The following SFSWAP variants were observed in gnomAD, a reference collection of about 807,000 sequenced individuals.
SFSWAP encodes the protein splicing factor, suppressor of white-apricot homolog.
A neutral mutation model predicts 100.7 loss-of-function variants in SFSWAP; 17 were observed. The observed-to-expected ratio is 0.17, with a 90% CI of 0.12 to 0.25. The LOEUF (loss-of-function observed/expected upper bound fraction) is 0.25. Ranked by LOEUF, SFSWAP falls within the 10% of genes least tolerant of loss-of-function variation. The probability of loss-of-function intolerance (pLI) is 1.00; values close to 1 mark genes in which losing one functional copy is unlikely to be tolerated. For missense variants in SFSWAP, 1,005 were observed against 1,262.6 expected, an observed-to-expected ratio of 0.80 and a Z score of 3.09; for synonymous variants, 504 against 510.1, an observed-to-expected ratio of 0.99 and a Z score of 0.16.
Position 131,756,466 on chromosome 12 carries a change from T to C in SFSWAP, c.1549-7T>C, listed in dbSNP as rs776254167. 12 of 1,613,258 alleles carry C rather than the reference T, an allele frequency of 7.4e-6. No individual in the cohort carries two copies. Among genetic ancestry groups the C allele is most frequent in the Admixed American group, 3.3e-5 (2 of 59,938 alleles). The stretch of plus-strand genomic sequence containing the variant: ...GCTGACAGTTTATAGTGACATTTAA[T>C]CTCTAGGCTGTGTCTGCACCAGAAG... On this transcript the variant is annotated splice_region_variant and splice_polypyrimidine_tract_variant and intron_variant, in intron 10 of 17. Coordinates refer to ENST00000261674, the MANE Select transcript of SFSWAP (RefSeq NM_004592.4).
At chr12:131,722,624 C>A (rs4964986) in intron 4 of SFSWAP, among the ~76,000 whole-genome samples, 24,938 of 152,086 alleles carry the variant, frequency 0.16, 2,352 homozygotes, top group South Asian at 0.28. Flanking sequence ...CTAAGTGCTT[C>A]TCTAGGCATA....
chr12:131,764,336 A>G (rs1434278698), intron 11 of SFSWAP, 120 bp from the exon 12 acceptor site: 17 of 745,006 alleles, frequency 2.3e-5, no homozygotes, highest in African/African-American at 3.5e-5. Flanking sequence ...TAGACCCTGC[A>G]TATGATGTGG....
chr12:131,727,360 T>C (rs1411347613), intron 6 of SFSWAP, among the ~76,000 whole-genome samples: 1 of 152,182 alleles, frequency 6.6e-6, no homozygotes, highest in Non-Finnish European at 1.5e-5. Flanking sequence ...GAAAATTGTT[T>C]TGTTGTGCGG....
chr12:131,755,173 A>G (rs909012148), intron 9 of SFSWAP, among the ~76,000 whole-genome samples: 13 of 152,208 alleles, frequency 8.5e-5, no homozygotes, highest in African/African-American at 3.1e-4. Context: ...ACGTAAAGAT[A>G]TGTTGTCACA....
chr12:131,788,287 C>T (rs977342295), intron 15 of SFSWAP, among the ~76,000 whole-genome samples: 1 of 152,186 alleles, frequency 6.6e-6, no homozygotes, highest in Non-Finnish European at 1.5e-5. Flanking sequence ...CGAGCACTAA[C>T]AGGTCACACA....
chr12:131,756,849 A>G lies in SFSWAP; in HGVS notation c.1720+205A>G, dbSNP rs928054196. 1.2e-5 allele frequency: 7 copies of G among 568,426 alleles called. No homozygotes were observed. In the African/African-American group the frequency reaches 1.3e-4, roughly 11 times the overall value. The allele number at this position is 568,426 out of a possible 1,614,324, so 35.2% of individuals were successfully genotyped here. A position where few individuals can be genotyped will look rare whatever the true frequency, so the allele number is the denominator to read the frequency against. ...CATTGGAGGTAACGTGAGTGTGAGC[A>G]GCCCTTAGGTATGTGTCTGTTTAAC... On this transcript the variant is annotated intron_variant, in intron 11 of 17. Transcript: ENST00000261674.
rs558412276 is a variant in SFSWAP, at chr12:131,714,826, A to G, written c.393A>G (p.Glu131=). Residue 131 remains glutamate (E), a synonymous_variant, in exon 3 of 18, where the codon GAA becomes GAG. Transcript: ENST00000261674. This position sits in a 1 kb window ranked among gnomAD's most constrained non-coding sequence, Gnocchi z 6.0. ...AAATTCTCATTTTTATTCAAGAGGA[A>G]GAATACAAGCGATTGAGTGAAGCAC... ...DLLEEEARQE[E]EYKRLSEALA... is the part of the protein sequence containing the mutation. 5 of 1,612,592 alleles carry G rather than the reference A, an allele frequency of 3.1e-6. No homozygotes were observed. The South Asian group carries it at 5.5e-5, about 18-fold the overall frequency.
chr12:131,752,159 A>G (rs1480257834), intron 7 of SFSWAP, among the ~76,000 whole-genome samples: 1 of 152,248 alleles, frequency 6.6e-6, no homozygotes. Context: ...ACTGGAAACC[A>G]TAGTTAAGCT....
In SFSWAP at chr12:131,756,580, A is replaced by G. The variant is rs770872512; in HGVS notation, c.1656A>G (p.Ala552=). 1.2e-6 allele frequency: 2 copies of G among 1,613,636 alleles called. No individual in the cohort carries two copies. Among genetic ancestry groups the G allele is most frequent in the Admixed American group, 1.7e-5 (1 of 59,882 alleles). The change falls in exon 11 of 18, where the codon GCA becomes GCG. Residue 552 remains alanine (A), a synonymous_variant. Transcript: ENST00000261674. ...ACGCAGCCGAGGTGGGAGCACGGGC[A>G]GGCTCAGGCGGGAAGAAGGAGGCAT... is the stretch of plus-strand genomic sequence containing the variant. ...PEDAAEVGAR[A]GSGGKKEASS...
intron 13 of SFSWAP, among the ~76,000 whole-genome samples, chr12:131,775,743 G>C (rs1883967974): frequency 6.6e-6 from 1 of 152,064 alleles, no homozygotes; most frequent in African/African-American, 2.4e-5. Flanking sequence ...GGTGTTCTTG[G>C]ATATAGAGCT....
chr12:131,740,961 T>G (rs1331634798), intron 7 of SFSWAP, among the ~76,000 whole-genome samples: 3 of 135,038 alleles, frequency 2.2e-5, no homozygotes, highest in Admixed American at 8.3e-5. Context: ...TTTTTTCTTT[T>G]TTTTCTTTTT....
At chr12:131,735,883 ATC>A (rs1340302686) in intron 7 of SFSWAP, among the ~76,000 whole-genome samples, 2 of 152,256 alleles carry the variant, frequency 1.3e-5, no homozygotes. Flanking sequence ...GATAATTCTC[ATC>A]TCTCACTCAA....
chr12:131,722,890 A>G (rs536561195), intron 4 of SFSWAP, among the ~76,000 whole-genome samples: 1 of 152,302 alleles, frequency 6.6e-6, no homozygotes, highest in Admixed American at 6.5e-5. Flanking sequence ...TGGAGGTTGT[A>G]GTGAGCTAAT....
chr12:131,764,408 G>T, intron 11 of SFSWAP, 48 bp from the exon 12 acceptor site: 1 of 1,520,910 alleles, frequency 6.6e-7, no homozygotes, highest in East Asian at 2.3e-5. Context: ...GGCCTGCAAA[G>T]ATTTCCACTC....
rs944444737 is a variant in SFSWAP at position 131,799,056 on chromosome 12, G to A, written c.2737G>A (p.Glu913Lys). 1.2e-6 allele frequency: 2 copies of A among 1,613,880 alleles called. No homozygotes were observed. The highest frequency in any genetic ancestry group is 1.3e-5 in the African/African-American group (1 of 74,914). Residue 913 changes from glutamate (E) to lysine (K), a missense_variant, in exon 17 of 18, where the codon GAA becomes AAA. Physicochemically the swap from Glu to Lys is moderately conservative, Grantham distance 56. Coordinates refer to ENST00000261674, the MANE Select transcript of SFSWAP (RefSeq NM_004592.4). ...ERSRGVSQEK[E>K]AQISSAIVSS... ...CATTAGGGGAGTCTCTCAGGAAAAAGAAGCCCAGATCTCTTCAGCAATCGT... is the reference window on the plus strand; with the variant it reads ...CATTAGGGGAGTCTCTCAGGAAAAAAAAGCCCAGATCTCTTCAGCAATCGT...
At chr12:131,791,889 C>T (rs1885253504) in intron 15 of SFSWAP, among the ~76,000 whole-genome samples, 1 of 152,274 alleles carries the variant, frequency 6.6e-6, no homozygotes, top group Non-Finnish European at 1.5e-5. Context: ...TGCACATGCA[C>T]CCTTGTCTGT....
rs947464365 is a variant in SFSWAP, at chr12:131,785,076, C to T, written c.2409-1387C>T. ...AGTGTGTGCCTCCGTGTCACAGAGT[C>T]ACAGCCTCCCCAGGGACGCTGCGCG... On this transcript the variant is annotated intron_variant, in intron 14 of 17. Transcript: ENST00000261674. 11 of 1,534,262 alleles carry T rather than the reference C, an allele frequency of 7.2e-6. No individual in the cohort carries two copies. In the African/African-American group the frequency reaches 1.4e-4, roughly 19 times the overall value.
chr12:131,718,681 T>TG (rs1342413606), intron 3 of SFSWAP, among the ~76,000 whole-genome samples: 1 of 152,210 alleles, frequency 6.6e-6, no homozygotes, highest in Non-Finnish European at 1.5e-5. Context: ...ATCTAGGAAT[T>TG]GACTACCTTA....
At chr12:131,743,889 C>T (rs1880887087) in intron 7 of SFSWAP, among the ~76,000 whole-genome samples, 2 of 152,238 alleles carry the variant, frequency 1.3e-5, no homozygotes, top group Non-Finnish European at 1.5e-5. Flanking sequence ...CAGTTCTTGA[C>T]TTCTGGGCAC....
Sources: allele counts gnomAD v4.1 joint callset (sites outside exome capture counted in the v4.1 genomes callset), GRCh38; gene constraint gnomAD v4.1.1; non-coding constraint Gnocchi (gnomAD v3.1); transcripts MANE v1.5; gene names NCBI Gene and HGNC (gene_info 2026-07-23, HGNC 2026-07-21).